BANP: variants seen among roughly 807,000 people sequenced by gnomAD.
The protein encoded by BANP is BTG3 associated nuclear protein.
A neutral mutation model predicts 68.1 loss-of-function variants in BANP; 11 were observed. That is an observed-to-expected ratio of 0.16 (90% CI 0.10 to 0.27). The LOEUF (loss-of-function observed/expected upper bound fraction) is 0.27. Ranked by LOEUF, BANP falls within the 10% of genes least tolerant of loss-of-function variation. The pLI, the probability that BANP is intolerant of heterozygous loss-of-function variation, is 1.00. For synonymous variants in BANP, 329 were observed against 303.2 expected, an observed-to-expected ratio of 1.09 and a Z score of -0.88; for missense variants, 504 against 722.7, an observed-to-expected ratio of 0.70 and a Z score of 3.47.
chr16:87,984,686 T>C (rs2063945463), intron 4 of BANP, among the ~76,000 whole-genome samples: 1 of 152,274 alleles, frequency 6.6e-6, no homozygotes, highest in Admixed American at 6.5e-5. Context: ...TTTTAAAAAG[T>C]AGAGTCTAAT....
At position 88,067,401 on chromosome 16, in the gene BANP, G is replaced by A. The variant is rs144595809; in HGVS notation, c.1377+2069G>A. Among the ~76,000 whole-genome samples the A allele has an allele frequency of 1.6e-3, 244 of 152,154 alleles. 1 individual carries two copies. Among genetic ancestry groups the A allele is most frequent in the East Asian group, 9.7e-3 (50 of 5,146 alleles). On this transcript the variant is annotated intron_variant, in intron 12 of 13. Transcript: ENST00000682872. ...CTGCGCCGGGGCCTCCCTCAGGGAGGAGACTCGAGCTGGAACCAGGCTGTG... is the reference window on the plus strand; with the variant it reads ...CTGCGCCGGGGCCTCCCTCAGGGAGAAGACTCGAGCTGGAACCAGGCTGTG...
chr16:87,992,444 T>G (rs893024354), intron 4 of BANP, among the ~76,000 whole-genome samples: 5 of 152,170 alleles, frequency 3.3e-5, no homozygotes, highest in Non-Finnish European at 4.4e-5. Flanking sequence ...TTTAAAAAAT[T>G]TGATAGAATT....
intron 6 of BANP, among the ~76,000 whole-genome samples, chr16:88,012,853 A>G (rs1317897923): frequency 2.0e-5 from 3 of 151,924 alleles, no homozygotes; most frequent in Non-Finnish European, 2.9e-5. Flanking sequence ...GGCCTAAGAA[A>G]AAAGGATAAA....
At chr16:88,040,576 G>A (rs2080521730) in intron 11 of BANP, among the ~76,000 whole-genome samples, 1 of 151,102 alleles carries the variant, frequency 6.6e-6, no homozygotes, top group Admixed American at 6.6e-5. Context: ...GGGGTCACAC[G>A]GCCCATTCCC....
Position 88,071,449 on chromosome 16 carries a change from C to G in BANP, c.1378-620C>G, listed in dbSNP as rs1336150252. ...GCCTGTCCCCCATTCTCATTCCATA[C>G]TCTGGGAGGCGGTACAAGGTCGGGA... is the stretch of plus-strand genomic sequence containing the variant. On this transcript the variant is annotated intron_variant, in intron 12 of 13. Coordinates refer to ENST00000682872, the MANE Select transcript of BANP (RefSeq NM_001386991.1). This position sits in a 1 kb window ranked among gnomAD's most constrained non-coding sequence, Gnocchi z 6.5. The G allele has an allele frequency of 2.2e-6, 1 of 456,160 alleles. No homozygotes were observed. The highest frequency in any genetic ancestry group is 4.4e-6 in the Non-Finnish European group (1 of 226,766). 28.3% of individuals were successfully genotyped at this position (456,160 alleles called of 1,614,324 possible).
At chr16:88,073,008 C>T (rs4072871) in intron 13 of BANP, among the ~76,000 whole-genome samples, 33,439 of 152,192 alleles carry the variant, frequency 0.22, 3,946 homozygotes, top group South Asian at 0.28. Context: ...TGGTGATCCA[C>T]CTGTGTCTTG....
At chr16:88,019,793 C>G (rs1250212216) in intron 7 of BANP, among the ~76,000 whole-genome samples, 2 of 152,064 alleles carry the variant, frequency 1.3e-5, no homozygotes, top group African/African-American at 4.8e-5. Flanking sequence ...CACAGTGTGG[C>G]CCGTGAGCCT....
chr16:88,046,773 C>T (rs2152806891), intron 11 of BANP, among the ~76,000 whole-genome samples: 1 of 151,848 alleles, frequency 6.6e-6, no homozygotes, highest in Non-Finnish European at 1.5e-5. Context: ...TCTTTAAAAT[C>T]CATATCATGT....
At chr16:88,053,435 C>T in intron 11 of BANP, among the ~76,000 whole-genome samples, 1 of 149,822 alleles carries the variant, frequency 6.7e-6, no homozygotes, top group Non-Finnish European at 1.5e-5. Context: ...ACCACCACCT[C>T]TACCACTGTC....
intron 1 of BANP, among the ~76,000 whole-genome samples, chr16:87,961,199 G>T (rs1287245010): frequency 6.6e-6 from 1 of 152,214 alleles, no homozygotes; most frequent in Admixed American, 6.5e-5. Context: ...AGCCTTTAAG[G>T]AAAAATAAAA....
chr16:87,963,645 C>T (rs950882655), intron 1 of BANP, among the ~76,000 whole-genome samples: 19 of 152,160 alleles, frequency 1.2e-4, no homozygotes, highest in Non-Finnish European at 2.9e-5. Flanking sequence ...GAATGTCTGC[C>T]CTAAAAATAC....
chr16:87,961,228 G>A (rs991216456), intron 1 of BANP, among the ~76,000 whole-genome samples: 2 of 152,236 alleles, frequency 1.3e-5, no homozygotes, highest in African/African-American at 4.8e-5. Context: ...TTGCGTGTTG[G>A]TGTGGTGTCA....
At chr16:87,963,659 C>T (rs1019080051) in intron 1 of BANP, among the ~76,000 whole-genome samples, 81 of 152,146 alleles carry the variant, frequency 5.3e-4, no homozygotes, top group African/African-American at 1.9e-3. Context: ...AAAATACTGA[C>T]GGGAAAAAAC....
intron 1 of BANP, among the ~76,000 whole-genome samples, chr16:87,970,651 G>C (rs1210518046): frequency 6.6e-6 from 1 of 152,170 alleles, no homozygotes; most frequent in Non-Finnish European, 1.5e-5. Context: ...TGTTACCGTT[G>C]TTGATAGTCT....
At chr16:88,049,138 A>G (rs1409955860) in intron 11 of BANP, among the ~76,000 whole-genome samples, 1 of 151,994 alleles carries the variant, frequency 6.6e-6, no homozygotes, top group East Asian at 1.9e-4. Flanking sequence ...GTCGGATCCC[A>G]TGGGTTGAGG....
At chr16:87,996,943 T>C (rs1370712060) in intron 4 of BANP, among the ~76,000 whole-genome samples, 1 of 152,252 alleles carries the variant, frequency 6.6e-6, no homozygotes, top group African/African-American at 2.4e-5. Context: ...AGCCTGTTGA[T>C]GTCTGTTCAC....
chr16:88,038,147 GC>G, intron 11 of BANP, 136 bp downstream of exon 11: 1 of 474,788 alleles, frequency 2.1e-6, no homozygotes. Context: ...GAGGGGTGGG[GC>G]TCTCACGGGA....
Position 87,957,087 on chromosome 16 carries a change from C to G in BANP, c.-69+5572C>G, listed in dbSNP as rs138489483. ...TGGAAAGAACCACTCTGCAATCCTT[C>G]GCGTCTACACTTCGTCAAGAACCGT... On this transcript the variant is annotated intron_variant, in intron 1 of 13. Coordinates refer to ENST00000682872, the MANE Select transcript of BANP (RefSeq NM_001386991.1). The surrounding 1 kb of genome is among the most constrained non-coding windows in gnomAD (Gnocchi z 4.3). 71 of 152,278 alleles carry G rather than the reference C, an allele frequency of 4.7e-4. No homozygotes were observed. The highest frequency in any genetic ancestry group is 1.6e-3 in the African/African-American group (66 of 41,530). 9.4% of individuals were successfully genotyped at this position (152,278 alleles called of 1,614,324 possible). A position where few individuals can be genotyped will look rare whatever the true frequency, so the allele number is the denominator to read the frequency against.
chr16:88,047,371 A>G (rs2082268793), intron 11 of BANP, among the ~76,000 whole-genome samples: 1 of 152,200 alleles, frequency 6.6e-6, no homozygotes, highest in Non-Finnish European at 1.5e-5. Context: ...AGTGTCAGTC[A>G]AGGCAGTATT....
Sources: gnomAD v4.1 joint callset for allele counts (sites outside exome capture counted in the v4.1 genomes callset) on GRCh38, gnomAD v4.1.1 for gene constraint, Gnocchi (gnomAD v3.1) non-coding constraint, MANE v1.5 for transcripts, NCBI Gene and HGNC (gene_info 2026-07-23, HGNC 2026-07-21) for gene names.